Variants in TRRAP observed in about 807,000 individuals in gnomAD.
TRRAP encodes transformation/transcription domain-associated protein.
In TRRAP, 41 loss-of-function variants were observed where a neutral mutation model predicts 438.8. The ratio of observed to expected loss-of-function variants is 0.09; its 90% CI spans 0.07 to 0.12. The LOEUF (loss-of-function observed/expected upper bound fraction) is 0.12, where lower values mean the gene tolerates loss of function less well. TRRAP is among the 10% of genes least tolerant of loss of function. The probability of loss-of-function intolerance (pLI) is 1.00; values close to 1 mark genes in which losing one functional copy is unlikely to be tolerated. For synonymous variants in TRRAP, 1,994 were observed against 1,962.9 expected (o/e 1.02, Z -0.42); for missense variants, 3,122 against 5,055.1 (o/e 0.62, Z 11.60).
chr7:98,881,835 C>A (rs77146909), intron 2 of TRRAP, 140 bp from the exon 3 acceptor site: 6 of 817,384 alleles, frequency 7.3e-6, no homozygotes, highest in Non-Finnish European at 1.1e-5. Flanking sequence ...AGGGAACTAG[C>A]TATGTGCCTT....
chr7:98,882,081 C>T, intron 3 of TRRAP, 57 bp downstream of exon 3: 1 of 1,453,252 alleles, frequency 6.9e-7, no homozygotes, highest in Non-Finnish European at 9.5e-7. Flanking sequence ...TATTCACTTT[C>T]CTGTCCTGCT....
intron 9 of TRRAP, 52 bp downstream of exon 9, chr7:98,899,551 T>C (rs1796376497): frequency 6.8e-6 from 11 of 1,609,044 alleles, no homozygotes; most frequent in Non-Finnish European, 9.4e-6. Context: ...TATAAGAAAA[T>C]TGGCATCTGG....
At chr7:98,927,915 C>T (rs577631329) in intron 23 of TRRAP, among the ~76,000 whole-genome samples, 1 of 152,238 alleles carries the variant, frequency 6.6e-6, no homozygotes, top group East Asian at 1.9e-4. Context: ...CTTTTATTTC[C>T]GATCCATTGT....
In TRRAP at chr7:98,910,244, C is replaced by T; in HGVS notation, c.1539C>T (p.Pro513=). The T allele has an allele frequency of 6.7e-7, 1 of 1,483,472 alleles. No homozygotes were observed. Among genetic ancestry groups the T allele is most frequent in the Non-Finnish European group, 8.9e-7 (1 of 1,119,754 alleles). 91.9% of individuals were successfully genotyped at this position (1,483,472 alleles called of 1,614,324 possible). A position where few individuals can be genotyped will look rare whatever the true frequency, so the allele number is the denominator to read the frequency against. The change falls in exon 15 of 73, where the codon CCC becomes CCT. Residue 513 remains proline (P), a synonymous_variant. Coordinates refer to ENST00000456197, the MANE Select transcript of TRRAP (RefSeq NM_001375524.1). ...CCCCACCTCCACCCCCGCCCCCACC[C>T]CCACCTGCCACCCCTGTGACCCCGG... is the stretch of plus-strand genomic sequence containing the variant. The part of the protein sequence containing the change: ...VPAPPPPPPP[P]PPATPVTPAP...
At chr7:98,943,620 A>C (rs531217408) in intron 31 of TRRAP, among the ~76,000 whole-genome samples, 2 of 152,334 alleles carry the variant, frequency 1.3e-5, no homozygotes, top group East Asian at 3.9e-4. Context: ...GCTTCAGCTA[A>C]ATCTTTTAAA....
Position 98,903,436 on chromosome 7 carries a change from A to G in TRRAP, c.955A>G (p.Asn319Asp). Reference sequence around the variant, plus strand: ...GAAAGGAATGCTCCAGTTACTTTCAAATTGTCCAGCAGAGACTGCACACCT... The same window carrying G: ...GAAAGGAATGCTCCAGTTACTTTCAGATTGTCCAGCAGAGACTGCACACCT... ...MVKGMLQLLS[N>D]CPAETAHLRK... Residue 319 changes from asparagine to aspartate, a missense_variant, in exon 12 of 73, where the codon AAT becomes GAT. Coordinates refer to ENST00000456197, the MANE Select transcript of TRRAP (RefSeq NM_001375524.1). 1.2e-6 allele frequency: 2 copies of G among 1,614,222 alleles called. No individual in the cohort carries two copies. Among genetic ancestry groups the G allele is most frequent in the Non-Finnish European group, 1.7e-6 (2 of 1,180,042 alleles).
In TRRAP at chr7:98,993,717, A is replaced by C; in HGVS notation, c.10027A>C (p.Arg3343=). ...CATCGTCGATCAGATGGTCTGGTTC[A>C]GAGAAAATTGGCATGAAGAGGTATT... ...EGIVDQMVWF[R]ENWHEEVLRQ... Residue 3343 remains arginine, a synonymous_variant, in exon 66 of 73, where the codon AGA becomes CGA. Coordinates refer to ENST00000456197, the MANE Select transcript of TRRAP (RefSeq NM_001375524.1). The C allele has an allele frequency of 6.2e-7, 1 of 1,614,260 alleles. No homozygotes were observed.
At chr7:98,886,438 A>G (rs111849381) in intron 3 of TRRAP, among the ~76,000 whole-genome samples, 21,672 of 150,332 alleles carry the variant, frequency 0.14, 5,214 homozygotes, top group African/African-American at 0.5. Context: ...AGAGAGATAT[A>G]GATATCTAGA....
At chr7:98,974,675 G>A (rs1383124885) in intron 53 of TRRAP, among the ~76,000 whole-genome samples, 1 of 152,048 alleles carries the variant, frequency 6.6e-6, no homozygotes, top group African/African-American at 2.4e-5. Flanking sequence ...CTCAAATCCC[G>A]AAAATATAAT....
chr7:98,928,976 C>T (rs530095637), intron 23 of TRRAP, among the ~76,000 whole-genome samples: 72 of 147,872 alleles, frequency 4.9e-4, no homozygotes, highest in African/African-American at 1.6e-3. Context: ...CTTGCTCTGT[C>T]GCCCAGGCTG....
intron 40 of TRRAP, among the ~76,000 whole-genome samples, chr7:98,954,678 A>G (rs1554419081): frequency 1.3e-5 from 2 of 152,094 alleles, no homozygotes; most frequent in Non-Finnish European, 2.9e-5. Flanking sequence ...ATGACCTCAC[A>G]TCGGGGCCTC....
rs782767345 is a variant in TRRAP, at chr7:98,958,031, G to A, written c.6282G>A (p.Lys2094=). Residue 2094 remains lysine, a synonymous_variant, in exon 44 of 73, where the codon AAG becomes AAA. Transcript: ENST00000456197. ...SLPGADSLLA[K]PIDKQHTDTV... ...CTGGAGCAGACTCTCTCCTCGCCAAGCCCATTGACAAGCAGCACACAGACA... is the reference window on the plus strand; with the variant it reads ...CTGGAGCAGACTCTCTCCTCGCCAAACCCATTGACAAGCAGCACACAGACA... 1.2e-6 allele frequency: 2 copies of A among 1,614,208 alleles called. No homozygotes were observed. Among genetic ancestry groups the A allele is most frequent in the South Asian group, 2.2e-5 (2 of 91,084 alleles).
intron 20 of TRRAP, among the ~76,000 whole-genome samples, chr7:98,919,631 G>C (rs567462436): frequency 1.3e-5 from 2 of 152,332 alleles, no homozygotes; most frequent in South Asian, 4.1e-4. Context: ...AGATGGCATA[G>C]GCCGTGGGTC....
At chr7:98,930,329 C>G in intron 24 of TRRAP, 123 bp downstream of exon 24, 1 of 1,265,792 alleles carries the variant, frequency 7.9e-7, no homozygotes, top group East Asian at 2.5e-5. Context: ...GTAATCCCAG[C>G]ACTTTGAGAG....
At chr7:98,973,784 G>A (rs1335466505) in intron 53 of TRRAP, among the ~76,000 whole-genome samples, 1 of 152,226 alleles carries the variant, frequency 6.6e-6, no homozygotes, top group African/African-American at 2.4e-5. Flanking sequence ...CTCGAACTCA[G>A]TGCCCAGCAC....
chr7:98,980,133 C>T (rs777255516), intron 58 of TRRAP, among the ~76,000 whole-genome samples: 9 of 152,048 alleles, frequency 5.9e-5, no homozygotes, highest in Admixed American at 1.3e-4. Flanking sequence ...AGTGGGTTAT[C>T]GAGAACTAAG....
At chr7:98,999,364 C>A in intron 67 of TRRAP, 1 of 1,399,008 alleles carries the variant, frequency 7.1e-7, no homozygotes, top group South Asian at 1.2e-5. Context: ...GATTCCACAT[C>A]CTGCACAGCT....
At position 98,978,977 on chromosome 7, in the gene TRRAP, A is replaced by T. The variant is rs1792790508; in HGVS notation, c.8634+73A>T. 6 of 1,586,686 alleles carry T rather than the reference A, an allele frequency of 3.8e-6. No individual in the cohort carries two copies. In the East Asian group the frequency reaches 9.0e-5, roughly 24 times the overall value. On this transcript the variant is annotated intron_variant, in intron 58 of 72. Coordinates refer to ENST00000456197, the MANE Select transcript of TRRAP (RefSeq NM_001375524.1). ...TGAAGCTGCAGGTGTCTCTTGGGAG[A>T]TTTCCCTTAGAACAAGCATTTTGGC...
chr7:98,923,085 T>C (rs1789874615), intron 21 of TRRAP, among the ~76,000 whole-genome samples: 1 of 152,142 alleles, frequency 6.6e-6, no homozygotes, highest in African/African-American at 2.4e-5. Flanking sequence ...CTCTCCAGCC[T>C]CAGGGTGGGT....
Sources: gnomAD v4.1 joint callset for allele counts (sites outside exome capture counted in the v4.1 genomes callset) on GRCh38, gnomAD v4.1.1 for gene constraint, MANE v1.5 for transcripts, NCBI Gene and HGNC (gene_info 2026-07-23, HGNC 2026-07-21) for gene names.